The following EYS variants were observed in gnomAD, a reference collection of about 807,000 sequenced individuals.
EYS encodes protein eyes shut homolog.
A neutral mutation model predicts 282.1 loss-of-function variants in EYS; 250 were observed. The observed-to-expected ratio is 0.89, with a 90% CI of 0.80 to 0.98. The LOEUF (loss-of-function observed/expected upper bound fraction) is 0.98, where lower values mean the gene tolerates loss of function less well. Among genes scored for constraint, EYS ranks in the 50% least tolerant of loss-of-function variants. The pLI is 0.00. For synonymous variants in EYS, 1,355 were observed against 1,282.9 expected (o/e 1.06, Z -1.20); for missense variants, 4,016 against 3,709.0 (o/e 1.08, Z -2.15).
chr6:64,646,588 G>A (rs905679328), intron 22 of EYS, among the ~76,000 whole-genome samples: 1 of 152,056 alleles, frequency 6.6e-6, no homozygotes, highest in Admixed American at 6.6e-5. Context: ...CAGATCAAGA[G>A]GTCAGGAGAT....
In EYS at chr6:63,770,498, ATAAT is replaced by A. The variant is rs1769903499; in HGVS notation, c.7898+7504_7898+7507del. The stretch of plus-strand genomic sequence containing the variant: ...GTGATGATAAAGTCAAATGAATAAT[ATAAT>A]AAACGCATGTAATTTAGCAATGGGC... On this transcript the variant is annotated intron_variant, in intron 40 of 42. Coordinates refer to ENST00000503581, the MANE Select transcript of EYS (RefSeq NM_001142800.2). Among the ~76,000 whole-genome samples the A allele has an allele frequency of 2.0e-5, 3 of 152,158 alleles. No homozygotes were observed. The South Asian group carries it at 6.2e-4, about 31-fold the overall frequency.
chr6:64,522,658 T>C (rs1021800986), intron 26 of EYS, among the ~76,000 whole-genome samples: 1 of 151,890 alleles, frequency 6.6e-6, no homozygotes, highest in Middle Eastern at 3.4e-3. Flanking sequence ...CCCCCAGTAA[T>C]AGCTCTCATC....
At chr6:64,114,094 A>C (rs2150268483) in intron 31 of EYS, among the ~76,000 whole-genome samples, 1 of 152,266 alleles carries the variant, frequency 6.6e-6, no homozygotes, top group Middle Eastern at 3.4e-3. Flanking sequence ...TAAACCATGA[A>C]AGCTATGAGG....
chr6:63,774,674 T>C (rs974958095), intron 40 of EYS, among the ~76,000 whole-genome samples: 1 of 152,202 alleles, frequency 6.6e-6, no homozygotes, highest in African/African-American at 2.4e-5. Flanking sequence ...CCACAATGTA[T>C]ATATATTTTG....
chr6:65,217,577 G>A (rs1295664222), intron 12 of EYS, among the ~76,000 whole-genome samples: 1 of 152,030 alleles, frequency 6.6e-6, no homozygotes, highest in African/African-American at 2.4e-5. Context: ...AAGGAAGGGA[G>A]CTCCTTTAAT....
intron 29 of EYS, among the ~76,000 whole-genome samples, chr6:64,374,533 T>G (rs634108): frequency 0.75 from 114,562 of 151,996 alleles, 43,815 homozygotes; most frequent in African/African-American, 0.9. Flanking sequence ...ATGTTGGAGA[T>G]GTTTTCCTAG....
At chr6:64,985,603 C>A (rs1161120609) in intron 14 of EYS, among the ~76,000 whole-genome samples, 2 of 151,282 alleles carry the variant, frequency 1.3e-5, no homozygotes, top group Admixed American at 6.6e-5. Context: ...GAATAACAGT[C>A]ATATAGTGAC....
chr6:64,225,604 C>G (rs1766230405), intron 31 of EYS, among the ~76,000 whole-genome samples: 1 of 152,046 alleles, frequency 6.6e-6, no homozygotes, highest in South Asian at 2.1e-4. Flanking sequence ...ATGGAAAAAA[C>G]AAGGAAATGC....
intron 11 of EYS, among the ~76,000 whole-genome samples, chr6:65,319,925 A>G (rs1325935899): frequency 1.3e-5 from 2 of 148,420 alleles, no homozygotes; most frequent in African/African-American, 2.6e-5. Flanking sequence ...CAGCCATCCA[A>G]TTTTTCAAGA....
intron 36 of EYS, among the ~76,000 whole-genome samples, chr6:63,861,875 G>A (rs1772539437): frequency 1.3e-5 from 2 of 152,116 alleles, no homozygotes; most frequent in South Asian, 2.1e-4. Context: ...TCCAGCCTCC[G>A]GATCAGTGAG....
chr6:64,130,608 C>T (rs1483175809), intron 31 of EYS, among the ~76,000 whole-genome samples: 1 of 151,268 alleles, frequency 6.6e-6, no homozygotes, highest in Non-Finnish European at 1.5e-5. Flanking sequence ...CACATGTACC[C>T]TAAAACTTAA....
intron 12 of EYS, among the ~76,000 whole-genome samples, chr6:65,204,438 G>T (rs985214658): frequency 6.7e-6 from 1 of 148,930 alleles, no homozygotes; most frequent in African/African-American, 2.5e-5. Context: ...TTTATATCCT[G>T]CCAAATTAAG....
At chr6:64,163,623 T>G (rs1353432625) in intron 31 of EYS, among the ~76,000 whole-genome samples, 1 of 152,146 alleles carries the variant, frequency 6.6e-6, no homozygotes, top group African/African-American at 2.4e-5. Flanking sequence ...AAGAATGTCA[T>G]GCATAAATGG....
At chr6:64,435,100 A>G (rs1445207975) in intron 28 of EYS, among the ~76,000 whole-genome samples, 1 of 152,088 alleles carries the variant, frequency 6.6e-6, no homozygotes. Flanking sequence ...GGAGATTAAA[A>G]TGATGAGAAA....
At chr6:64,415,890 C>G (rs759985673) in intron 28 of EYS, among the ~76,000 whole-genome samples, 2 of 152,100 alleles carry the variant, frequency 1.3e-5, no homozygotes, top group Non-Finnish European at 2.9e-5. Context: ...TCTCTTTCTC[C>G]TAAATATTAA....
intron 12 of EYS, among the ~76,000 whole-genome samples, chr6:65,130,331 T>C (rs1448979733): frequency 2.0e-5 from 3 of 152,040 alleles, no homozygotes; most frequent in South Asian, 2.1e-4. Flanking sequence ...ATAAGTTACG[T>C]TCATGAAATA....
At chr6:65,484,966 A>G (rs1765735894) in intron 5 of EYS, among the ~76,000 whole-genome samples, 2 of 152,230 alleles carry the variant, frequency 1.3e-5, no homozygotes, top group Admixed American at 1.3e-4. Context: ...GATAGAGACC[A>G]TATGGATCAA....
intron 2 of EYS, among the ~76,000 whole-genome samples, chr6:65,604,597 T>C (rs1765719860): frequency 6.6e-6 from 1 of 151,994 alleles, no homozygotes; most frequent in Non-Finnish European, 1.5e-5. Flanking sequence ...TATATGTAAA[T>C]TTTACATTAA....
chr6:64,469,695 G>A (rs887331269), intron 26 of EYS, among the ~76,000 whole-genome samples: 2 of 151,926 alleles, frequency 1.3e-5, no homozygotes, highest in African/African-American at 2.4e-5. Context: ...TTAGTGGACC[G>A]GGAAAGGGAG....
Sources: allele counts gnomAD v4.1 joint callset (sites outside exome capture counted in the v4.1 genomes callset), GRCh38; gene constraint gnomAD v4.1.1; transcripts MANE v1.5; gene names NCBI Gene and HGNC (gene_info 2026-07-23, HGNC 2026-07-21).